PCDH19: variants seen among roughly 807,000 people sequenced by gnomAD.
PCDH19 encodes protocadherin-19.
Under a neutral mutation model 46.2 loss-of-function variants are expected in PCDH19, and 6 were observed. That is an observed-to-expected ratio of 0.13 (90% confidence interval 0.07 to 0.26). The LOEUF (loss-of-function observed/expected upper bound fraction) is 0.26. PCDH19 is among the 10% of genes least tolerant of loss of function. The probability of loss-of-function intolerance (pLI) is 1.00; values close to 1 mark genes in which losing one functional copy is unlikely to be tolerated. For synonymous variants in PCDH19, 481 were observed against 415.7 expected, an observed-to-expected ratio of 1.16 and a Z score of -1.91; for missense variants, 740 against 972.3, an observed-to-expected ratio of 0.76 and a Z score of 3.18.
chrX:100,314,257 C>A (rs1435323085), intron 5 of PCDH19, among the ~76,000 whole-genome samples: 3 of 111,612 alleles, frequency 2.7e-5, no homozygotes, highest in Non-Finnish European at 5.6e-5. Context: ...GTTCAACAGA[C>A]TGAAAATAAT....
At chrX:100,357,220 A>G (rs1316857928) in intron 3 of PCDH19, among the ~76,000 whole-genome samples, 1 of 111,701 alleles carries the variant, frequency 9.0e-6, no homozygotes, top group East Asian at 2.8e-4. Flanking sequence ...TACGCAGGCT[A>G]CTGGACTGCA....
chrX:100,395,484 T>C (rs944493389), intron 3 of PCDH19, among the ~76,000 whole-genome samples: 12 of 112,792 alleles, frequency 1.1e-4, no homozygotes, highest in Non-Finnish European at 2.2e-4. Flanking sequence ...GCTTGGAAGC[T>C]GCACCAGAGG....
intron 3 of PCDH19, among the ~76,000 whole-genome samples, chrX:100,385,261 A>G (rs918614783): frequency 9.0e-6 from 1 of 111,103 alleles, no homozygotes; most frequent in Non-Finnish European, 1.9e-5. Flanking sequence ...TTAAAACTAT[A>G]ATAATGTTTT....
intron 3 of PCDH19, among the ~76,000 whole-genome samples, chrX:100,394,883 A>ATT (rs139332001): frequency 0.01 from 747 of 71,526 alleles, 29 homozygotes; most frequent in African/African-American, 0.027. Context: ...GAGGAATCTA[A>ATT]TTTTTTTTTT....
At chrX:100,360,419 G>C (rs2147500265) in intron 3 of PCDH19, among the ~76,000 whole-genome samples, 1 of 112,062 alleles carries the variant, frequency 8.9e-6, no homozygotes, top group South Asian at 3.7e-4. Context: ...TCATTTTCTT[G>C]TTTGTGATCA....
At chrX:100,360,318 C>A (rs1352942872) in intron 3 of PCDH19, among the ~76,000 whole-genome samples, 11 of 112,148 alleles carry the variant, frequency 9.8e-5, no homozygotes, top group Non-Finnish European at 1.9e-4. Flanking sequence ...ATCATGCTGA[C>A]AAAAAACAAT....
chrX:100,402,721 G>T lies in PCDH19; in HGVS notation c.2419C>A (p.Leu807Met), dbSNP rs1555984464. Reference sequence around the variant, plus strand: ...TCAAAATAGTTGAGGGAGGAGGTCAGGGAAGAGCAACTGACAACGTTCATC... The same window carrying T: ...TCAAAATAGTTGAGGGAGGAGGTCATGGAAGAGCAACTGACAACGTTCATC... ...DKMNVVSCSS[L>M]TSSLNYFDYH... The change falls in exon 3 of 6, where the codon CTG (leucine) becomes ATG (methionine). Residue 807 changes from leucine (L) to methionine (M), a missense_variant. By Grantham distance (15) the Leu-to-Met change is conservative. Around this residue, in one of 5 missense-constraint regions of PCDH19, gnomAD observed 416 missense variants for 476.8 expected, o/e 0.87. Transcript: ENST00000373034. 1.7e-6 allele frequency: 2 copies of T among 1,209,855 alleles called. No homozygotes were observed. The highest frequency in any genetic ancestry group is 5.9e-5 in the East Asian group (2 of 33,751).
chrX:100,317,396 G>T (rs1602580169), intron 5 of PCDH19, among the ~76,000 whole-genome samples: 1 of 111,443 alleles, frequency 9.0e-6, no homozygotes. Flanking sequence ...CAATGTTGGG[G>T]TAACAGCTGC....
At chrX:100,384,798 C>G (rs1927661584) in intron 3 of PCDH19, among the ~76,000 whole-genome samples, 2 of 111,455 alleles carry the variant, frequency 1.8e-5, no homozygotes, top group African/African-American at 3.3e-5. Flanking sequence ...ATTGCTGGGT[C>G]AAAGTGTACA....
intron 3 of PCDH19, among the ~76,000 whole-genome samples, chrX:100,389,426 A>G (rs1437860288): frequency 3.6e-5 from 4 of 110,904 alleles, no homozygotes; most frequent in African/African-American, 1.3e-4. Context: ...CAAAGGATAC[A>G]AAGTTTCAGT....
intron 5 of PCDH19, among the ~76,000 whole-genome samples, chrX:100,329,848 G>A (rs897132350): frequency 1.8e-5 from 2 of 111,821 alleles, no homozygotes; most frequent in African/African-American, 6.5e-5. Context: ...GGAGGCGGAG[G>A]TTGCAGTGAG....
At chrX:100,373,480 A>G (rs758967773) in intron 3 of PCDH19, among the ~76,000 whole-genome samples, 1 of 113,011 alleles carries the variant, frequency 8.8e-6, no homozygotes, top group African/African-American at 3.2e-5. Flanking sequence ...TTGCACTAGA[A>G]TAAGAAAAAC....
chrX:100,333,915 G>A (rs930258508), intron 5 of PCDH19, among the ~76,000 whole-genome samples: 1 of 108,250 alleles, frequency 9.2e-6, no homozygotes, highest in African/African-American at 3.4e-5. Flanking sequence ...TCAGCCTCCC[G>A]AGTAGCTGGA....
At chrX:100,370,344 CT>C (rs1927182339) in intron 3 of PCDH19, among the ~76,000 whole-genome samples, 3 of 111,982 alleles carry the variant, frequency 2.7e-5, no homozygotes, top group Non-Finnish European at 5.6e-5. Flanking sequence ...AAACTGTTGT[CT>C]ACTTGAAGAA....
At chrX:100,373,656 A>T (rs188000052) in intron 3 of PCDH19, among the ~76,000 whole-genome samples, 5 of 112,572 alleles carry the variant, frequency 4.4e-5, no homozygotes, top group African/African-American at 1.3e-4. Flanking sequence ...GCATTAAATT[A>T]AAAAAGGCCT....
intron 3 of PCDH19, among the ~76,000 whole-genome samples, chrX:100,382,150 G>A (rs1304393948): frequency 9.1e-6 from 1 of 109,975 alleles, no homozygotes; most frequent in Non-Finnish European, 1.9e-5. Flanking sequence ...CTTACAGTGA[G>A]ACTCTGTTTG....
chrX:100,373,198 G>A (rs960461565), intron 3 of PCDH19, among the ~76,000 whole-genome samples: 5 of 112,379 alleles, frequency 4.4e-5, no homozygotes, highest in African/African-American at 1.3e-4. Flanking sequence ...TAGTAGAGAC[G>A]GGGTTTCACC....
chrX:100,323,625 C>T (rs1294564034), intron 5 of PCDH19, among the ~76,000 whole-genome samples: 1 of 111,371 alleles, frequency 9.0e-6, no homozygotes, highest in Non-Finnish European at 1.9e-5. Flanking sequence ...CGCTTATTCA[C>T]TGAGGGTTTT....
intron 3 of PCDH19, among the ~76,000 whole-genome samples, chrX:100,388,734 T>C (rs1341430156): frequency 9.2e-6 from 1 of 108,917 alleles, no homozygotes; most frequent in Non-Finnish European, 1.9e-5. Context: ...CCATCACTGT[T>C]TTTTTTTTAA....
Sources: gnomAD v4.1 joint callset for allele counts (sites outside exome capture counted in the v4.1 genomes callset) on GRCh38, gnomAD v4.1.1 for gene constraint, gnomAD v4.1.1 regional missense constraint, MANE v1.5 for transcripts, NCBI Gene and HGNC (gene_info 2026-07-23, HGNC 2026-07-21) for gene names.